DOK6: variants seen among roughly 807,000 people sequenced by gnomAD.
DOK6 encodes the protein downstream of tyrosine kinase 6.
DOK6 carries 22 observed loss-of-function variants against 44.0 expected under a neutral mutation model. The observed-to-expected ratio is 0.50, with a 90% CI of 0.36 to 0.71. DOK6 has a LOEUF of 0.71. DOK6 is among the 30% of genes least tolerant of loss of function. DOK6 has a pLI of 0.00. For missense variants in DOK6, 340 were observed against 416.4 expected (o/e 0.82, Z 1.60); for synonymous variants, 166 against 145.5 (o/e 1.14, Z -1.01).
chr18:69,579,439 G>A (rs1001901630), intron 2 of DOK6, among the ~76,000 whole-genome samples: 1 of 152,066 alleles, frequency 6.6e-6, no homozygotes, highest in Non-Finnish European at 1.5e-5. Context: ...TTCATAAAAG[G>A]TTTTCCTGGG....
chr18:69,594,994 G>A (rs1983708311), intron 2 of DOK6, among the ~76,000 whole-genome samples: 1 of 151,984 alleles, frequency 6.6e-6, no homozygotes, highest in African/African-American at 2.4e-5. Flanking sequence ...GATCAAGAAG[G>A]CAGTCTCATT....
At chr18:69,672,484 G>GTAGCTGTAATCCC (rs1985822178) in intron 3 of DOK6, among the ~76,000 whole-genome samples, 1 of 152,174 alleles carries the variant, frequency 6.6e-6, no homozygotes, top group Non-Finnish European at 1.5e-5. Flanking sequence ...TCAGACTCCC[G>GTAGCTGTAATCCC]AGTAGCTGGG....
chr18:69,516,869 C>T (rs1437716237), intron 1 of DOK6, among the ~76,000 whole-genome samples: 2 of 146,788 alleles, frequency 1.4e-5, no homozygotes, highest in African/African-American at 2.5e-5. Flanking sequence ...CTAGTGAAGA[C>T]GACCGTTTCA....
intron 3 of DOK6, among the ~76,000 whole-genome samples, chr18:69,633,533 G>A (rs1036875304): frequency 9.2e-5 from 14 of 152,018 alleles, no homozygotes; most frequent in South Asian, 2.1e-4. Flanking sequence ...TATTTTTGCC[G>A]TAGTTTAAAA....
At chr18:69,718,950 A>G (rs535493059) in intron 5 of DOK6, among the ~76,000 whole-genome samples, 1 of 152,330 alleles carries the variant, frequency 6.6e-6, no homozygotes, top group African/African-American at 2.4e-5. Context: ...ATTTGGTAGT[A>G]TAATATCACA....
chr18:69,765,941 A>C (rs978934221), intron 7 of DOK6, among the ~76,000 whole-genome samples: 1 of 152,196 alleles, frequency 6.6e-6, no homozygotes, highest in Non-Finnish European at 1.5e-5. Flanking sequence ...CTTGAACAAC[A>C]TGGGGGTTGA....
chr18:69,506,471 TGTAA>T (rs1413411531), intron 1 of DOK6, among the ~76,000 whole-genome samples: 5 of 152,140 alleles, frequency 3.3e-5, no homozygotes, highest in Non-Finnish European at 7.4e-5. Flanking sequence ...GTTTTGCCTT[TGTAA>T]GTGTCGAAGA....
chr18:69,612,419 G>T (rs1282349166), intron 3 of DOK6, among the ~76,000 whole-genome samples: 1 of 150,722 alleles, frequency 6.6e-6, no homozygotes, highest in Non-Finnish European at 1.5e-5. Flanking sequence ...GGGCGCATGT[G>T]TGCGAGGGCG....
At chr18:69,595,682 T>G (rs1003310211) in intron 2 of DOK6, among the ~76,000 whole-genome samples, 11 of 152,184 alleles carry the variant, frequency 7.2e-5, no homozygotes, top group African/African-American at 2.7e-4. Flanking sequence ...GTCTTATCCT[T>G]CTTAGTGCCT....
chr18:69,498,179 A>G (rs1980946706), intron 1 of DOK6, among the ~76,000 whole-genome samples: 1 of 152,162 alleles, frequency 6.6e-6, no homozygotes, highest in Non-Finnish European at 1.5e-5. Flanking sequence ...GGAAAATTAG[A>G]TATAGTAAAA....
intron 2 of DOK6, among the ~76,000 whole-genome samples, chr18:69,572,165 G>T (rs1048159205): frequency 6.6e-6 from 1 of 152,074 alleles, no homozygotes; most frequent in South Asian, 2.1e-4. Context: ...TAAACTGAAA[G>T]ATAGCAAAAA....
chr18:69,595,918 C>T (rs1305330555), intron 2 of DOK6, among the ~76,000 whole-genome samples: 1 of 151,980 alleles, frequency 6.6e-6, no homozygotes, highest in Non-Finnish European at 1.5e-5. Flanking sequence ...AGATTTTTGC[C>T]CTAGAAGAAT....
intron 1 of DOK6, among the ~76,000 whole-genome samples, chr18:69,551,723 C>T (rs1982570482): frequency 6.6e-6 from 1 of 152,092 alleles, no homozygotes; most frequent in Non-Finnish European, 1.5e-5. Context: ...CATCTTATTC[C>T]AGTGGCTTTT....
Position 69,698,607 on chromosome 18 carries a change from C to A in DOK6, c.599+14C>A. 3 of 1,609,556 alleles carry A rather than the reference C, an allele frequency of 1.9e-6. No homozygotes were observed. The highest frequency in any genetic ancestry group is 2.5e-6 in the Non-Finnish European group (3 of 1,178,168). On this transcript the variant is annotated intron_variant, in intron 5 of 7. Transcript: ENST00000382713. ...TGAGTCAGGAAGGTAAGATCTAGTG[C>A]AGCAGCCAAGTGCAGGAGTTGTCTG...
At chr18:69,628,494 T>A (rs1484624027) in intron 3 of DOK6, among the ~76,000 whole-genome samples, 5 of 149,840 alleles carry the variant, frequency 3.3e-5, no homozygotes, top group African/African-American at 2.4e-5. Flanking sequence ...TGTCTCAAAA[T>A]ATATATATAT....
chr18:69,503,684 A>G (rs972447968), intron 1 of DOK6, among the ~76,000 whole-genome samples: 1 of 152,042 alleles, frequency 6.6e-6, no homozygotes, highest in African/African-American at 2.4e-5. Flanking sequence ...TTTAGCTAAT[A>G]TATCCTCATC....
chr18:69,693,280 A>G (rs1297057677), intron 4 of DOK6, among the ~76,000 whole-genome samples: 8 of 150,366 alleles, frequency 5.3e-5, no homozygotes, highest in African/African-American at 1.5e-4. Flanking sequence ...AGAGGAAGAA[A>G]TAGAATACAG....
At chr18:69,465,286 A>C (rs1184207940) in intron 1 of DOK6, among the ~76,000 whole-genome samples, 1 of 152,002 alleles carries the variant, frequency 6.6e-6, no homozygotes, top group Non-Finnish European at 1.5e-5. Context: ...TATGTGATAG[A>C]ACTATATAAA....
chr18:69,404,387 A>T (rs142377001), intron 1 of DOK6, among the ~76,000 whole-genome samples: 21 of 152,346 alleles, frequency 1.4e-4, no homozygotes, highest in African/African-American at 4.8e-4. Context: ...CAAGGCATAT[A>T]TAGCAAAATA....
Sources: allele counts gnomAD v4.1 joint callset (sites outside exome capture counted in the v4.1 genomes callset), GRCh38; gene constraint gnomAD v4.1.1; transcripts MANE v1.5; gene names NCBI Gene and HGNC (gene_info 2026-07-23, HGNC 2026-07-21).